PPEF1: variants seen among roughly 807,000 people sequenced by gnomAD.
PPEF1 encodes the protein protein phosphatase with EF-hand domain 1.
In PPEF1, 12 loss-of-function variants were observed where a neutral mutation model predicts 53.3. The observed-to-expected ratio is 0.23, with a 90% CI of 0.14 to 0.36. The LOEUF (loss-of-function observed/expected upper bound fraction) is 0.36. Ranked by LOEUF, PPEF1 falls within the 10% of genes least tolerant of loss-of-function variation. The pLI, the probability that PPEF1 is intolerant of heterozygous loss-of-function variation, is 1.00. For synonymous variants in PPEF1, 165 were observed against 176.7 expected (o/e 0.93, Z 0.52); for missense variants, 334 against 490.4 (o/e 0.68, Z 3.01).
At chrX:18,809,786 A>G (rs1402106751) in intron 12 of PPEF1, among the ~76,000 whole-genome samples, 1 of 111,464 alleles carries the variant, frequency 9.0e-6, no homozygotes, top group Non-Finnish European at 1.9e-5. Flanking sequence ...TTATTCCAAC[A>G]TAAAAAAGAA....
chrX:18,786,592 G>A (rs989959075), intron 9 of PPEF1, among the ~76,000 whole-genome samples: 1 of 109,229 alleles, frequency 9.2e-6, no homozygotes, highest in Admixed American at 9.8e-5. Context: ...AGACCAGCCT[G>A]GCCAAAAAGG....
intron 10 of PPEF1, among the ~76,000 whole-genome samples, chrX:18,790,269 C>A (rs1370209795): frequency 8.9e-6 from 1 of 111,951 alleles, no homozygotes; most frequent in East Asian, 2.8e-4. Context: ...TATTCAGATC[C>A]TTTGCCCATC....
chrX:18,782,328 A>G, intron 7 of PPEF1, 38 bp from the exon 8 acceptor site: 1 of 1,113,915 alleles, frequency 9.0e-7, no homozygotes, highest in South Asian at 2.0e-5. Context: ...AGTAGGCGTT[A>G]TCAACAATCA....
chrX:18,693,160 C>A (rs1285127834), intron 4 of PPEF1, among the ~76,000 whole-genome samples: 1 of 112,338 alleles, frequency 8.9e-6, no homozygotes, highest in East Asian at 2.8e-4. Context: ...CTCATTTAGA[C>A]AAAAACTCGC....
At chrX:18,767,726 T>A (rs1488070758) in intron 6 of PPEF1, among the ~76,000 whole-genome samples, 1 of 110,746 alleles carries the variant, frequency 9.0e-6, no homozygotes, top group African/African-American at 3.3e-5. Flanking sequence ...AATAGGAGGA[T>A]GAGAGAGCAT....
chrX:18,772,475 C>T lies in PPEF1; in HGVS notation c.559-6535C>T, dbSNP rs747951900. ...TATATGTTAATCATTTTTTTTGTTGCGTCTCTGCCAGGGTTTGGTATCAGG... is the reference window on the plus strand; with the variant it reads ...TATATGTTAATCATTTTTTTTGTTGTGTCTCTGCCAGGGTTTGGTATCAGG... On this transcript the variant is annotated intron_variant, in intron 6 of 15. Transcript: ENST00000470157. Among the ~76,000 whole-genome samples the T allele has an allele frequency of 2.7e-5, 3 of 110,978 alleles. No homozygotes were observed. In the East Asian group the frequency reaches 8.4e-4, roughly 31 times the overall value.
At chrX:18,685,164 T>C (rs1929022031) in intron 2 of PPEF1, among the ~76,000 whole-genome samples, 2 of 112,321 alleles carry the variant, frequency 1.8e-5, no homozygotes, top group Admixed American at 1.9e-4. Context: ...CCTCTAAGCT[T>C]TCTGCACAGT....
intron 2 of PPEF1, 111 bp downstream of exon 2, chrX:18,730,419 G>A: frequency 1.1e-6 from 1 of 882,483 alleles, no homozygotes; most frequent in Non-Finnish European, 1.6e-6. Context: ...TTGGTGAAAG[G>A]CTTTAATAGA....
chrX:18,676,066 T>G (rs1928665133), exon 1 of PPEF1: 1 of 108,684 alleles, frequency 9.2e-6, no homozygotes, highest in Non-Finnish European at 1.9e-5. Context: ...GTGATACTGA[T>G]TTTGTGGCAG....
intron 6 of PPEF1, among the ~76,000 whole-genome samples, chrX:18,777,523 T>G (rs756160901): frequency 5.9e-4 from 66 of 111,694 alleles, no homozygotes; most frequent in African/African-American, 2.1e-3. Context: ...TTCTTTTCTT[T>G]TTTTTTCCTC....
intron 5 of PPEF1, among the ~76,000 whole-genome samples, chrX:18,758,365 G>A (rs2045590925): frequency 8.9e-6 from 1 of 112,159 alleles, no homozygotes. Flanking sequence ...GTGCGTGGAA[G>A]GAACAGCAAT....
At chrX:18,796,679 TACC>T (rs1238291560) in intron 10 of PPEF1, among the ~76,000 whole-genome samples, 2 of 111,956 alleles carry the variant, frequency 1.8e-5, no homozygotes, top group Non-Finnish European at 3.8e-5. Context: ...GTGTAAAATA[TACC>T]CTAATCAATG....
intron 3 of PPEF1, among the ~76,000 whole-genome samples, chrX:18,736,123 T>C (rs747120581): frequency 0.012 from 1,391 of 111,399 alleles, 24 homozygotes; most frequent in African/African-American, 0.042. Flanking sequence ...CCTTTATTTC[T>C]TTCTCCTGCC....
intron 9 of PPEF1, among the ~76,000 whole-genome samples, chrX:18,788,644 T>C (rs1368465706): frequency 8.9e-6 from 1 of 111,834 alleles, no homozygotes. Context: ...TTTCAACCTA[T>C]GTCCCCTTTA....
intron 7 of PPEF1, among the ~76,000 whole-genome samples, chrX:18,781,693 G>C (rs1215305030): frequency 8.9e-6 from 1 of 111,859 alleles, no homozygotes; most frequent in African/African-American, 3.2e-5. Flanking sequence ...TGGAAAGCCA[G>C]AGTGAGTGTA....
chrX:18,681,221 C>T (rs1220021744), upstream of PPEF1, among the ~76,000 whole-genome samples: 1 of 111,715 alleles, frequency 9.0e-6, no homozygotes. Flanking sequence ...TCGTGATCCG[C>T]CCACCTTGGC....
intron 4 of PPEF1, among the ~76,000 whole-genome samples, chrX:18,692,946 C>T (rs1929490829): frequency 9.0e-6 from 1 of 111,724 alleles, no homozygotes; most frequent in Non-Finnish European, 1.9e-5. Flanking sequence ...GTGGTGTTCT[C>T]TCTTATTGGT....
chrX:18,793,279 C>G (rs965952673), intron 10 of PPEF1, among the ~76,000 whole-genome samples: 6 of 110,477 alleles, frequency 5.4e-5, no homozygotes, highest in Non-Finnish European at 1.1e-4. Flanking sequence ...ATAGTATTGT[C>G]TAAATATCCT....
chrX:18,754,479 A>C (rs973421942), intron 4 of PPEF1, among the ~76,000 whole-genome samples: 2 of 111,579 alleles, frequency 1.8e-5, no homozygotes, highest in Non-Finnish European at 3.8e-5. Flanking sequence ...TGAATCATGT[A>C]ATTCCTGAGA....
Sources: gnomAD v4.1 joint callset for allele counts (sites outside exome capture counted in the v4.1 genomes callset) on GRCh38, gnomAD v4.1.1 for gene constraint, MANE v1.5 for transcripts, NCBI Gene and HGNC (gene_info 2026-07-23, HGNC 2026-07-21) for gene names.